The following MAML3 variants were observed in gnomAD, a reference collection of about 807,000 sequenced individuals.
The protein encoded by MAML3 is mastermind-like protein 3.
MAML3 carries 27 observed loss-of-function variants against 101.9 expected under a neutral mutation model. The ratio of observed to expected loss-of-function variants is 0.27; its 90% CI spans 0.20 to 0.37. The LOEUF is 0.37. Among genes scored for constraint, MAML3 ranks in the 10% least tolerant of loss-of-function variants. The pLI is 1.00. For synonymous variants in MAML3, 501 were observed against 555.9 expected, an observed-to-expected ratio of 0.90 and a Z score of 1.39; for missense variants, 1,316 against 1,444.9, an observed-to-expected ratio of 0.91 and a Z score of 1.45.
chr4:139,725,698 C>T, intron 4 of MAML3, 53 bp downstream of exon 4: 3 of 1,552,178 alleles, frequency 1.9e-6, no homozygotes, highest in Non-Finnish European at 2.7e-6. Context: ...TACACATTCA[C>T]TTACGCTTCA....
At chr4:140,103,649 T>G (rs762590792) in intron 1 of MAML3, among the ~76,000 whole-genome samples, 23 of 152,222 alleles carry the variant, frequency 1.5e-4, no homozygotes, top group Non-Finnish European at 2.5e-4. Flanking sequence ...GAAGTATTGT[T>G]TTTAAAAGAC....
chr4:139,807,850 T>C (rs1293301851), intron 2 of MAML3, among the ~76,000 whole-genome samples: 1 of 152,188 alleles, frequency 6.6e-6, no homozygotes, highest in Non-Finnish European at 1.5e-5. Context: ...ACAAAGCCTA[T>C]AGCCCATACA....
intron 1 of MAML3, among the ~76,000 whole-genome samples, chr4:140,063,794 TAA>T (rs35213696): frequency 6.7e-6 from 1 of 148,880 alleles, no homozygotes; most frequent in Non-Finnish European, 1.5e-5. Flanking sequence ...TTGCTTGCTT[TAA>T]AAAAAAAAAG....
At position 140,069,386 on chromosome 4, in the gene MAML3, G is replaced by GAA. The variant is rs1339981661; in HGVS notation, c.468+83473_468+83474insTT. The stretch of plus-strand genomic sequence containing the variant: ...AGAAGAAGAAGAAGAAGAAGAAGAA[G>GAA]GAGGAGGAGGAGGAGGAGGAGGAGG... On this transcript the variant is annotated intron_variant, in intron 1 of 4. Coordinates refer to ENST00000509479, the MANE Select transcript of MAML3 (RefSeq NM_018717.5). 6.5e-4 allele frequency among the ~76,000 whole-genome samples: 47 copies of GAA among 71,780 alleles called. 1 individual carries two copies. Among genetic ancestry groups the GAA allele is most frequent in the Admixed American group, 3.5e-3 (20 of 5,752 alleles). The allele number at this position is 71,780 out of a possible 152,430, so 47.1% of individuals were successfully genotyped here. A position where few individuals can be genotyped will look rare whatever the true frequency, so the allele number is the denominator to read the frequency against.
intron 1 of MAML3, among the ~76,000 whole-genome samples, chr4:140,046,688 A>AAGACACAGC (rs987477824): frequency 1.3e-5 from 2 of 152,144 alleles, no homozygotes; most frequent in Non-Finnish European, 2.9e-5. Flanking sequence ...AAAGATGAGG[A>AAGACACAGC]AGACACAGCT....
intron 1 of MAML3, among the ~76,000 whole-genome samples, chr4:140,025,035 T>C (rs1048595839): frequency 2.0e-5 from 3 of 152,184 alleles, no homozygotes; most frequent in Non-Finnish European, 4.4e-5. Context: ...CAAAACATGT[T>C]CCCTAATGTG....
chr4:139,766,112 T>C (rs1035581424), intron 2 of MAML3, among the ~76,000 whole-genome samples: 2 of 150,362 alleles, frequency 1.3e-5, no homozygotes, highest in African/African-American at 4.9e-5. Flanking sequence ...TCCCACAAAG[T>C]GAGTCTCACT....
At chr4:139,905,169 A>G (rs1732798756) in intron 1 of MAML3, among the ~76,000 whole-genome samples, 1 of 152,216 alleles carries the variant, frequency 6.6e-6, no homozygotes, top group African/African-American at 2.4e-5. Context: ...GGTCACTTCT[A>G]GTGCTAACTT....
chr4:139,983,608 A>T (rs1271072242), intron 1 of MAML3, among the ~76,000 whole-genome samples: 1 of 152,234 alleles, frequency 6.6e-6, no homozygotes, highest in Non-Finnish European at 1.5e-5. Context: ...TCTAACAAGC[A>T]TTTCCTTTGA....
Position 140,116,629 on chromosome 4 carries a change from C to T in MAML3, c.468+36231G>A, listed in dbSNP as rs141395263. ...CTGCTTCAAAAGTTGCCATTCCCTC[C>T]ATCCTCCACAGCTCTGGCCACATCC... On this transcript the variant is annotated intron_variant, in intron 1 of 4. Coordinates refer to ENST00000509479, the MANE Select transcript of MAML3 (RefSeq NM_018717.5). Among the ~76,000 whole-genome samples, 42 of 152,354 alleles carry T rather than the reference C, an allele frequency of 2.8e-4. No individual in the cohort carries two copies. The East Asian group carries it at 6.7e-3, about 24-fold the overall frequency.
intron 1 of MAML3, among the ~76,000 whole-genome samples, chr4:140,024,450 A>C (rs1726787689): frequency 6.6e-6 from 1 of 152,096 alleles, no homozygotes; most frequent in Non-Finnish European, 1.5e-5. Flanking sequence ...ACTGGTCTCA[A>C]ACACCTGGCT....
intron 1 of MAML3, among the ~76,000 whole-genome samples, chr4:140,138,590 T>C (rs1168005534): frequency 6.6e-6 from 1 of 151,950 alleles, no homozygotes; most frequent in South Asian, 2.1e-4. Flanking sequence ...CGTGAGGAAA[T>C]ACCTTAAGTG....
chr4:139,793,462 C>T (rs1213284167), intron 2 of MAML3, among the ~76,000 whole-genome samples: 6 of 152,154 alleles, frequency 3.9e-5, no homozygotes, highest in Admixed American at 3.9e-4. Context: ...GCCAAGTGGA[C>T]ACTCTCTCCC....
At chr4:140,001,994 C>A (rs910143760) in intron 1 of MAML3, among the ~76,000 whole-genome samples, 46 of 152,108 alleles carry the variant, frequency 3.0e-4, no homozygotes, top group Non-Finnish European at 8.8e-5. Context: ...TATGTATACA[C>A]TATGCAATGG....
At chr4:139,804,991 C>T (rs1730678961) in intron 2 of MAML3, among the ~76,000 whole-genome samples, 1 of 152,098 alleles carries the variant, frequency 6.6e-6, no homozygotes, top group African/African-American at 2.4e-5. Context: ...CCAGCCTGGC[C>T]AACATGGCGA....
chr4:139,998,575 CT>C (rs1734863351), intron 1 of MAML3, among the ~76,000 whole-genome samples: 1 of 152,204 alleles, frequency 6.6e-6, no homozygotes, highest in African/African-American at 2.4e-5. Context: ...AGTCCAACAT[CT>C]GGGGACACTC....
At chr4:140,142,400 A>T (rs949727858) in intron 1 of MAML3, among the ~76,000 whole-genome samples, 17 of 152,208 alleles carry the variant, frequency 1.1e-4, no homozygotes, top group Non-Finnish European at 2.9e-5. Flanking sequence ...AAATATTTAG[A>T]GTTCCTCCTA....
intron 1 of MAML3, among the ~76,000 whole-genome samples, chr4:140,101,800 A>G (rs1390074945): frequency 6.6e-6 from 1 of 152,190 alleles, no homozygotes; most frequent in Non-Finnish European, 1.5e-5. Flanking sequence ...TCCACTATAT[A>G]AAATAGCCTA....
intron 1 of MAML3, among the ~76,000 whole-genome samples, chr4:140,108,027 A>T (rs1728380909): frequency 6.6e-6 from 1 of 152,160 alleles, no homozygotes; most frequent in Non-Finnish European, 1.5e-5. Context: ...CACAACCATC[A>T]TCTTTGAATC....
Sources: gnomAD v4.1 joint callset for allele counts (sites outside exome capture counted in the v4.1 genomes callset) on GRCh38, gnomAD v4.1.1 for gene constraint, MANE v1.5 for transcripts, NCBI Gene and HGNC (gene_info 2026-07-23, HGNC 2026-07-21) for gene names.